CDK8: variants seen among roughly 807,000 people sequenced by gnomAD.
CDK8 encodes the protein cyclin-dependent kinase 8.
A neutral mutation model predicts 71.5 loss-of-function variants in CDK8; 29 were observed. That is an observed-to-expected ratio of 0.41 (90% CI 0.30 to 0.55). The LOEUF is 0.55. CDK8 is among the 20% of genes least tolerant of loss of function. The pLI, the probability that CDK8 is intolerant of heterozygous loss-of-function variation, is 0.37. For synonymous variants in CDK8, 161 were observed against 192.1 expected (o/e 0.84, Z 1.34); for missense variants, 288 against 572.6 (o/e 0.50, Z 5.07).
chr13:26,402,526 G>A (rs751407146), intron 12 of CDK8, among the ~76,000 whole-genome samples: 1 of 152,178 alleles, frequency 6.6e-6, no homozygotes, highest in Non-Finnish European at 1.5e-5. Flanking sequence ...CCGAGTGCTC[G>A]TTACTGTACT....
chr13:26,313,912 A>G (rs747664680), intron 1 of CDK8, among the ~76,000 whole-genome samples: 1 of 152,200 alleles, frequency 6.6e-6, no homozygotes, highest in Non-Finnish European at 1.5e-5. Context: ...GAGAAAAAGA[A>G]AATGATGTCC....
chr13:26,349,562 G>T (rs941146542), intron 3 of CDK8, among the ~76,000 whole-genome samples: 23 of 152,098 alleles, frequency 1.5e-4, no homozygotes, highest in African/African-American at 5.3e-4. Flanking sequence ...TGAGAAGGTG[G>T]TATCCTCATG....
chr13:26,326,686 G>A (rs1202029502), intron 1 of CDK8, among the ~76,000 whole-genome samples: 3 of 152,208 alleles, frequency 2.0e-5, no homozygotes, highest in African/African-American at 7.2e-5. Context: ...GATCTGTTGC[G>A]ATGCTATAAT....
At chr13:26,345,423 C>A (rs367575178) in intron 2 of CDK8, among the ~76,000 whole-genome samples, 4 of 152,194 alleles carry the variant, frequency 2.6e-5, no homozygotes, top group African/African-American at 9.6e-5. Context: ...ACTCTGTCAC[C>A]CAGGCTAGAG....
intron 1 of CDK8, among the ~76,000 whole-genome samples, chr13:26,328,280 C>G (rs1328038135): frequency 6.6e-6 from 1 of 152,192 alleles, no homozygotes; most frequent in Non-Finnish European, 1.5e-5. Context: ...ATTCACAGTT[C>G]TTACTATATA....
chr13:26,260,091 A>AT (rs944733799), intron 1 of CDK8, among the ~76,000 whole-genome samples: 4 of 152,096 alleles, frequency 2.6e-5, no homozygotes, highest in East Asian at 1.9e-4. Flanking sequence ...GGACAAAGGG[A>AT]TTTTTTTTAA....
intron 1 of CDK8, among the ~76,000 whole-genome samples, chr13:26,287,135 G>C (rs571324983): frequency 2.6e-5 from 4 of 152,292 alleles, no homozygotes; most frequent in African/African-American, 9.6e-5. Flanking sequence ...AGCAATCCCA[G>C]TACTGGGTAT....
At chr13:26,301,388 A>G (rs553242824) in intron 1 of CDK8, among the ~76,000 whole-genome samples, 1 of 152,182 alleles carries the variant, frequency 6.6e-6, no homozygotes, top group African/African-American at 2.4e-5. Flanking sequence ...GCAAAATTTA[A>G]TGTGGTAATT....
chr13:26,328,556 G>A (rs1005789258), intron 1 of CDK8, among the ~76,000 whole-genome samples: 1 of 152,174 alleles, frequency 6.6e-6, no homozygotes, highest in East Asian at 1.9e-4. Flanking sequence ...TGCAGAGCTA[G>A]TCTAGAACTT....
In CDK8 at chr13:26,353,819, T is replaced by C. The variant is rs1367668719; in HGVS notation, c.395T>C (p.Leu132Ser). The C allele has an allele frequency of 6.2e-7, 1 of 1,613,260 alleles. No individual in the cohort carries two copies. Among genetic ancestry groups the C allele is most frequent in the South Asian group, 1.1e-5 (1 of 91,064 alleles). Reference protein sequence around the residue: ...QLPRGMVKSLLYQILDGIHYL... With the variant: ...QLPRGMVKSLSYQILDGIHYL... ...CCTCGGGGAATGGTGAAGTCACTAT[T>C]ATATCAGATCCTAGATGGTATTCAC... Residue 132 changes from leucine (L) to serine (S), a missense_variant, in exon 4 of 13, where the codon TTA (leucine) becomes TCA (serine). By Grantham distance (145) the Leu-to-Ser change is moderately radical. This residue lies in a region of CDK8 where 95 missense variants were observed against 177.3 expected (regional missense o/e 0.54). Coordinates refer to ENST00000381527, the MANE Select transcript of CDK8 (RefSeq NM_001260.3).
chr13:26,302,803 T>C (rs1011755804), intron 1 of CDK8, among the ~76,000 whole-genome samples: 1 of 152,218 alleles, frequency 6.6e-6, no homozygotes, highest in African/African-American at 2.4e-5. Context: ...TAAAATTCTA[T>C]TGGGGTGTTT....
intron 4 of CDK8, among the ~76,000 whole-genome samples, chr13:26,375,528 A>G (rs1055676236): frequency 4.6e-4 from 70 of 152,254 alleles, no homozygotes; most frequent in African/African-American, 1.6e-3. Flanking sequence ...AAATCTACCT[A>G]TGCATATATC....
At chr13:26,278,327 T>C (rs951184980) in intron 1 of CDK8, among the ~76,000 whole-genome samples, 2 of 152,232 alleles carry the variant, frequency 1.3e-5, no homozygotes, top group African/African-American at 4.8e-5. Flanking sequence ...AGCCTCATTT[T>C]ACATTTTTAA....
chr13:26,347,984 C>A (rs888433764), intron 2 of CDK8, among the ~76,000 whole-genome samples: 4 of 151,984 alleles, frequency 2.6e-5, no homozygotes, highest in African/African-American at 9.7e-5. Flanking sequence ...ATAGTGTATA[C>A]CACTGTTCAT....
chr13:26,380,381 ATGT>A (rs1565993372), intron 4 of CDK8, among the ~76,000 whole-genome samples: 1 of 152,076 alleles, frequency 6.6e-6, no homozygotes, highest in African/African-American at 2.4e-5. Flanking sequence ...GGGTTTTATC[ATGT>A]TGTTCAGGCT....
intron 4 of CDK8, among the ~76,000 whole-genome samples, chr13:26,360,461 C>A (rs1164996355): frequency 6.6e-6 from 1 of 152,176 alleles, no homozygotes; most frequent in East Asian, 1.9e-4. Flanking sequence ...CTCATCCCTT[C>A]ATCTTCATAG....
At chr13:26,348,313 G>A (rs2149078) in intron 2 of CDK8, among the ~76,000 whole-genome samples, 135,169 of 152,084 alleles carry the variant, frequency 0.89, 60,335 homozygotes, top group East Asian at 0.99. Context: ...GGGTCCCTGC[G>A]TCAGCACCGG....
rs754912898 is a variant in CDK8 at position 26,401,384 on chromosome 13, G to A, written c.1110+37G>A. ...AGTACTGTTAGCAGCTTCTTGTTTC[G>A]TGAATGCCTCCATAACATTTTCCAT... is the stretch of plus-strand genomic sequence containing the variant. On this transcript the variant is annotated intron_variant, in intron 11 of 12. Coordinates refer to ENST00000381527, the MANE Select transcript of CDK8 (RefSeq NM_001260.3). The surrounding 1 kb of genome is among the most constrained non-coding windows in gnomAD (Gnocchi z 4.5). 14 of 1,610,662 alleles carry A rather than the reference G, an allele frequency of 8.7e-6. No individual in the cohort carries two copies. Among genetic ancestry groups the A allele is most frequent in the Non-Finnish European group, 1.2e-5 (14 of 1,177,034 alleles).
chr13:26,354,650 C>T (rs927471520), intron 4 of CDK8, among the ~76,000 whole-genome samples: 3 of 152,056 alleles, frequency 2.0e-5, no homozygotes, highest in African/African-American at 7.2e-5. Flanking sequence ...ACTGCACATG[C>T]GGGGGATCTA....
Sources: allele counts gnomAD v4.1 joint callset (sites outside exome capture counted in the v4.1 genomes callset), GRCh38; gene constraint gnomAD v4.1.1; regional missense constraint gnomAD v4.1.1; non-coding constraint Gnocchi (gnomAD v3.1); transcripts MANE v1.5; gene names NCBI Gene and HGNC (gene_info 2026-07-23, HGNC 2026-07-21).